PCDHGA2: variants seen among roughly 807,000 people sequenced by gnomAD.
PCDHGA2 encodes the protein protocadherin gamma subfamily A, 2.
A neutral mutation model predicts 59.2 loss-of-function variants in PCDHGA2; 40 were observed. The observed-to-expected ratio is 0.68, with a 90% CI of 0.52 to 0.88. The LOEUF (loss-of-function observed/expected upper bound fraction) is 0.88. Ranked by LOEUF, PCDHGA2 falls within the 40% of genes least tolerant of loss-of-function variation. The pLI is 0.00. For missense variants in PCDHGA2, 1,226 were observed against 1,204.0 expected (o/e 1.02, Z -0.27); for synonymous variants, 560 against 526.0 (o/e 1.06, Z -0.89).
Position 141,487,535 on chromosome 5 carries a change from G to A in PCDHGA2, c.2425-7272G>A. 6.2e-7 allele frequency: 1 copy of A among 1,614,154 alleles called. No individual in the cohort carries two copies. Among genetic ancestry groups the A allele is most frequent in the South Asian group, 1.1e-5 (1 of 91,084 alleles). ...CACTCGGAGTGATAGCTTCATGATG[G>A]TGAAGTCACCCAGTGCACCTATGGC... On this transcript the variant is annotated intron_variant, in intron 1 of 3. Transcript: ENST00000394576. This position sits in a 1 kb window ranked among gnomAD's most constrained non-coding sequence, Gnocchi z 5.0.
chr5:141,501,290 T>TACACAC lies in PCDHGA2; in HGVS notation c.2484-4064_2484-4059dup, dbSNP rs55762287. Among the ~76,000 whole-genome samples the TACACAC allele has an allele frequency of 5.7e-3, 774 of 136,224 alleles. 5 individuals are homozygous for TACACAC. The highest frequency in any genetic ancestry group is 9.9e-3 in the African/African-American group (361 of 36,504). The allele number at this position is 136,224 out of a possible 152,430, so 89.4% of individuals were successfully genotyped here. A position where few individuals can be genotyped will look rare whatever the true frequency, so the allele number is the denominator to read the frequency against. ...GTCCAGTCTATGGGATATTCCCTTA[T>TACACAC]ACACACACACACACACACACACACA... On this transcript the variant is annotated intron_variant, in intron 2 of 3. Transcript: ENST00000394576.
chr5:141,351,865 C>G (rs765417366), intron 1 of PCDHGA2: 74 of 1,613,128 alleles, frequency 4.6e-5, no homozygotes, highest in Middle Eastern at 1.6e-4. Context: ...ACCAGGGCTC[C>G]CCCGCGCTCA....
rs1554116817 is a variant in PCDHGA2 at position 141,423,755 on chromosome 5, G to GGC, written c.2425-71051_2425-71050insCG. 3 of 512,420 alleles carry GGC rather than the reference G, an allele frequency of 5.9e-6. No individual in the cohort carries two copies. The African/African-American group carries it at 8.1e-5, about 14-fold the overall frequency. 31.7% of individuals were successfully genotyped at this position (512,420 alleles called of 1,614,324 possible). A position where few individuals can be genotyped will look rare whatever the true frequency, so the allele number is the denominator to read the frequency against. On this transcript the variant is annotated intron_variant, in intron 1 of 3. Coordinates refer to ENST00000394576, the MANE Select transcript of PCDHGA2 (RefSeq NM_018915.4). ...AGCCTGTTATGAAAACTGTTTGGGGGGGGGGTGGGGCGGCATATATTTAGT... is the reference window on the plus strand; with the variant it reads ...AGCCTGTTATGAAAACTGTTTGGGGGGCGGGGGTGGGGCGGCATATATTTAGT...
At chr5:141,356,028 C>T (rs1377135804) in intron 1 of PCDHGA2, 4 of 1,613,814 alleles carry the variant, frequency 2.5e-6, no homozygotes, top group African/African-American at 1.3e-5. Flanking sequence ...CCAATGGAGA[C>T]GTGACGTATT....
chr5:141,383,505 G>C (rs1461557707), intron 1 of PCDHGA2: 10 of 1,612,818 alleles, frequency 6.2e-6, no homozygotes, highest in Admixed American at 1.7e-5. Context: ...TGCTGGACCG[G>C]GAGGAAGAGC....
At position 141,403,603 on chromosome 5, in the gene PCDHGA2, C is replaced by T. The variant is rs2094431906; in HGVS notation, c.2424+62208C>T. On this transcript the variant is annotated intron_variant, in intron 1 of 3. Coordinates refer to ENST00000394576, the MANE Select transcript of PCDHGA2 (RefSeq NM_018915.4). ...ACCTGGTCCTCACGGCCTCGGATGG[C>T]GGCGAGCCGCGTCGCTCCAGCACAG... 4 of 1,613,762 alleles carry T rather than the reference C, an allele frequency of 2.5e-6. No individual in the cohort carries two copies. The East Asian group carries it at 8.9e-5, about 36-fold the overall frequency.
chr5:141,342,319 A>C (rs1757147849), intron 1 of PCDHGA2: 2 of 152,262 alleles, frequency 1.3e-5, no homozygotes, highest in Admixed American at 1.3e-4. Flanking sequence ...ACCCAATCCC[A>C]GTGCCCCTCT....
At chr5:141,403,928 G>A in intron 1 of PCDHGA2, 1 of 1,613,876 alleles carries the variant, frequency 6.2e-7, no homozygotes, top group Non-Finnish European at 8.5e-7. Flanking sequence ...AGATGGTGGG[G>A]GATTGAAAGG....
At chr5:141,422,229 G>C in intron 1 of PCDHGA2, 4 of 1,565,880 alleles carry the variant, frequency 2.6e-6, no homozygotes, top group Non-Finnish European at 3.4e-6. Flanking sequence ...CCACGACGAT[G>C]TTGATCACTG....
intron 1 of PCDHGA2, chr5:141,393,064 T>C: frequency 6.2e-7 from 1 of 1,613,630 alleles, no homozygotes. Flanking sequence ...AGCGGCAGCT[T>C]GATCACCGCG....
chr5:141,409,226 G>A (rs753236012), intron 1 of PCDHGA2: 1 of 1,613,862 alleles, frequency 6.2e-7, no homozygotes, highest in African/African-American at 1.3e-5. Flanking sequence ...TGATGAAAAC[G>A]ACAACAGCCC....
intron 1 of PCDHGA2, chr5:141,357,581 C>G: frequency 6.2e-7 from 1 of 1,614,192 alleles, no homozygotes. Flanking sequence ...CTTCTGATAA[C>G]TCAGGATTTA....
At chr5:141,354,157 A>C (rs977165486) in intron 1 of PCDHGA2, among the ~76,000 whole-genome samples, 1 of 152,244 alleles carries the variant, frequency 6.6e-6, no homozygotes, top group African/African-American at 2.4e-5. Context: ...TGTCATGTGA[A>C]AAAATCACTA....
intron 1 of PCDHGA2, among the ~76,000 whole-genome samples, chr5:141,481,676 G>A (rs975849679): frequency 3.3e-5 from 5 of 152,028 alleles, no homozygotes; most frequent in Admixed American, 1.3e-4. Flanking sequence ...AAATCAGGCC[G>A]GGCCTGGTGG....
Position 141,489,434 on chromosome 5 carries a change from A to G in PCDHGA2, c.2425-5373A>G. On this transcript the variant is annotated intron_variant, in intron 1 of 3. Transcript: ENST00000394576. This position sits in a 1 kb window ranked among gnomAD's most constrained non-coding sequence, Gnocchi z 4.5. ...ACAGATCTGTTGAGCCGGCGGCTGC[A>G]ATTGGGCTCTGAGGAGAATGGGCGC... 6.2e-7 allele frequency: 1 copy of G among 1,614,138 alleles called. No individual in the cohort carries two copies. The highest frequency in any genetic ancestry group is 8.5e-7 in the Non-Finnish European group (1 of 1,180,044).
chr5:141,350,552 GA>G, intron 1 of PCDHGA2: 1 of 1,614,066 alleles, frequency 6.2e-7, no homozygotes, highest in Non-Finnish European at 8.5e-7. Context: ...AAGGAAACTT[GA>G]GTGTGCACTA....
Position 141,339,102 on chromosome 5 carries a change from T to A in PCDHGA2, c.131T>A (p.Phe44Tyr), listed in dbSNP as rs1332193594. The stretch of plus-strand genomic sequence containing the variant: ...CGGGAAGAGATCGACAGAGGCTCCT[T>A]CGTAGGCAACATCGCCAAGGACTTG... Reference protein sequence around the residue: ...SVREEIDRGSFVGNIAKDLGL... With the variant: ...SVREEIDRGSYVGNIAKDLGL... The change falls in exon 1 of 4, where the codon TTC (phenylalanine) becomes TAC (tyrosine). Residue 44 changes from phenylalanine to tyrosine, a missense_variant. Physicochemically the swap from Phe to Tyr is conservative, Grantham distance 22. Transcript: ENST00000394576. 6.2e-7 allele frequency: 1 copy of A among 1,614,206 alleles called. No homozygotes were observed. Among genetic ancestry groups the A allele is most frequent in the Non-Finnish European group, 8.5e-7 (1 of 1,180,034 alleles).
intron 1 of PCDHGA2, chr5:141,344,568 T>C (rs755011747): frequency 6.2e-6 from 10 of 1,613,890 alleles, no homozygotes; most frequent in African/African-American, 1.3e-5. Context: ...TGACTACTTC[T>C]CTCTGGCTGT....
chr5:141,344,069 A>C, intron 1 of PCDHGA2: 1 of 1,600,450 alleles, frequency 6.2e-7, no homozygotes, highest in Non-Finnish European at 8.5e-7. Context: ...ATGGCAGAGG[A>C]CTGGCCCTGC....
Sources: gnomAD v4.1 joint callset for allele counts (sites outside exome capture counted in the v4.1 genomes callset) on GRCh38, gnomAD v4.1.1 for gene constraint, Gnocchi (gnomAD v3.1) non-coding constraint, MANE v1.5 for transcripts, NCBI Gene and HGNC (gene_info 2026-07-23, HGNC 2026-07-21) for gene names.